Variants in EDARADD observed in about 807,000 individuals in gnomAD.
The protein encoded by EDARADD is EDAR associated via death domain, also known as ectodysplasin-A receptor-associated adapter protein.
EDARADD carries 20 observed loss-of-function variants against 25.6 expected under a neutral mutation model. The observed-to-expected ratio is 0.78, with a 90% CI of 0.55 to 1.14. The LOEUF is 1.14. Among genes scored for constraint, EDARADD ranks in the 50% most tolerant of loss-of-function variants. The pLI is 0.00. For missense variants in EDARADD, 225 were observed against 270.1 expected (o/e 0.83, Z 1.17); for synonymous variants, 86 against 94.4 (o/e 0.91, Z 0.52).
Position 236,482,663 on chromosome 1 carries a change from C to T in EDARADD, c.*14C>T, listed in dbSNP as rs749600700. ...AGGCACTTCTAGAGCTCTTCTTCTT[C>T]CTTCATTGGCCTCTCCGGATGTTGA... On this transcript the variant is annotated 3_prime_UTR_variant, in exon 6 of 6. Transcript: ENST00000334232. 1.2e-6 allele frequency: 2 copies of T among 1,611,012 alleles called. No homozygotes were observed. The highest frequency in any genetic ancestry group is 2.2e-5 in the South Asian group (2 of 90,994).
intron 4 of EDARADD, among the ~76,000 whole-genome samples, chr1:236,448,603 C>A (rs954327891): frequency 6.6e-6 from 1 of 152,192 alleles, no homozygotes; most frequent in Non-Finnish European, 1.5e-5. Flanking sequence ...CATATATGAT[C>A]TATGTGAGGA....
chr1:236,371,365 A>C (rs1027175230), intron 3 of EDARADD, among the ~76,000 whole-genome samples: 1 of 152,160 alleles, frequency 6.6e-6, no homozygotes, highest in Non-Finnish European at 1.5e-5. Flanking sequence ...ATAGACCATC[A>C]TGTTATCTGC....
At chr1:236,359,305 T>C (rs373278114) in intron 3 of EDARADD, among the ~76,000 whole-genome samples, 1 of 152,242 alleles carries the variant, frequency 6.6e-6, no homozygotes, top group Non-Finnish European at 1.5e-5. Context: ...ATCTTAGGAA[T>C]TGGAATGTTT....
intron 1 of EDARADD, among the ~76,000 whole-genome samples, chr1:236,403,251 G>A (rs1013825388): frequency 1.3e-5 from 2 of 150,544 alleles, no homozygotes; most frequent in South Asian, 4.2e-4. Flanking sequence ...CCACCTGTTC[G>A]AACTTTTCTA....
chr1:236,360,132 T>G (rs1479977270), intron 3 of EDARADD, among the ~76,000 whole-genome samples: 1 of 151,924 alleles, frequency 6.6e-6, no homozygotes, highest in Non-Finnish European at 1.5e-5. Context: ...CTGGTCAACA[T>G]AGCAAGAGCT....
intron 3 of EDARADD, among the ~76,000 whole-genome samples, chr1:236,425,925 T>C (rs1247535170): frequency 6.6e-6 from 1 of 152,168 alleles, no homozygotes; most frequent in Non-Finnish European, 1.5e-5. Flanking sequence ...GGTTGGGTCA[T>C]CCTGTTCATT....
intron 3 of EDARADD, among the ~76,000 whole-genome samples, chr1:236,371,403 A>G (rs1198966127): frequency 6.6e-6 from 1 of 151,964 alleles, no homozygotes; most frequent in East Asian, 1.9e-4. Context: ...TTCCTTCCCA[A>G]TTAATATATT....
At chr1:236,380,390 T>C (rs956013024) in intron 3 of EDARADD, among the ~76,000 whole-genome samples, 2 of 152,154 alleles carry the variant, frequency 1.3e-5, no homozygotes, top group East Asian at 3.9e-4. Context: ...CAATTCATAG[T>C]CTGGAAAATA....
intron 4 of EDARADD, among the ~76,000 whole-genome samples, chr1:236,449,433 G>GA (rs1286547523): frequency 6.6e-6 from 1 of 152,182 alleles, no homozygotes; most frequent in Non-Finnish European, 1.5e-5. Flanking sequence ...TTATTAAATG[G>GA]AATGGATGGA....
intron 4 of EDARADD, among the ~76,000 whole-genome samples, chr1:236,465,133 C>T: frequency 1.3e-5 from 2 of 152,306 alleles, no homozygotes; most frequent in South Asian, 2.1e-4. Flanking sequence ...AGGAGTGATG[C>T]GGAGTCTCAT....
chr1:236,406,380 C>T (rs1667739508), intron 1 of EDARADD, among the ~76,000 whole-genome samples: 1 of 152,192 alleles, frequency 6.6e-6, no homozygotes, highest in African/African-American at 2.4e-5. Context: ...CAGGGATACA[C>T]TGTGAGACAT....
chr1:236,407,067 A>G (rs1667751480), intron 1 of EDARADD, among the ~76,000 whole-genome samples: 1 of 152,196 alleles, frequency 6.6e-6, no homozygotes, highest in Non-Finnish European at 1.5e-5. Context: ...TCTGTCCCTT[A>G]GGGCCACACA....
chr1:236,422,494 G>T (rs1657806410), intron 3 of EDARADD, among the ~76,000 whole-genome samples: 1 of 152,200 alleles, frequency 6.6e-6, no homozygotes. Flanking sequence ...CGATTTGTTG[G>T]CCAGGACATC....
chr1:236,434,672 G>A (rs2103019550), intron 4 of EDARADD, among the ~76,000 whole-genome samples: 1 of 152,262 alleles, frequency 6.6e-6, no homozygotes, highest in African/African-American at 2.4e-5. Flanking sequence ...TATAGACAGA[G>A]GATCTGAGGG....
upstream of EDARADD, among the ~76,000 whole-genome samples, chr1:236,392,720 GA>G (rs1336651269): frequency 6.6e-6 from 1 of 151,926 alleles, no homozygotes; most frequent in Non-Finnish European, 1.5e-5. Context: ...ACCCAGGCTG[GA>G]GTGCAGTGGC....
At chr1:236,477,871 G>A (rs768925685) in intron 5 of EDARADD, among the ~76,000 whole-genome samples, 3 of 152,182 alleles carry the variant, frequency 2.0e-5, no homozygotes, top group South Asian at 2.1e-4. Flanking sequence ...GGGAGGCTGA[G>A]GCGGGCAGAT....
At chr1:236,367,225 A>ATTTATTTTAT (rs71176499) in intron 3 of EDARADD, among the ~76,000 whole-genome samples, 27 of 148,640 alleles carry the variant, frequency 1.8e-4, no homozygotes, top group East Asian at 4.0e-4. Flanking sequence ...TAAGTGTTTT[A>ATTTATTTTAT]TTTATTTTAT....
chr1:236,371,416 A>G (rs1667170556), intron 3 of EDARADD, among the ~76,000 whole-genome samples: 1 of 151,974 alleles, frequency 6.6e-6, no homozygotes, highest in Admixed American at 6.6e-5. Flanking sequence ...AATATATTTT[A>G]TTTCCTTTTT....
intron 1 of EDARADD, among the ~76,000 whole-genome samples, chr1:236,408,386 A>G (rs1366262026): frequency 6.6e-6 from 1 of 151,966 alleles, no homozygotes; most frequent in East Asian, 1.9e-4. Context: ...TATTTTTAGT[A>G]GAGATGGGGT....
Sources: gnomAD v4.1 joint callset for allele counts (sites outside exome capture counted in the v4.1 genomes callset) on GRCh38, gnomAD v4.1.1 for gene constraint, MANE v1.5 for transcripts, NCBI Gene and HGNC (gene_info 2026-07-23, HGNC 2026-07-21) for gene names.